Variants in GRM7 observed in about 807,000 individuals in gnomAD.
The protein encoded by GRM7 is metabotropic glutamate receptor 7.
Under a neutral mutation model 84.5 loss-of-function variants are expected in GRM7, and 35 were observed. The ratio of observed to expected loss-of-function variants is 0.41; its 90% CI spans 0.32 to 0.55. The LOEUF (loss-of-function observed/expected upper bound fraction) is 0.55. Among genes scored for constraint, GRM7 ranks in the 20% least tolerant of loss-of-function variants. GRM7 has a pLI of 0.19. For synonymous variants in GRM7, 487 were observed against 455.1 expected (o/e 1.07, Z -0.89); for missense variants, 1,003 against 1,194.6 (o/e 0.84, Z 2.36).
At chr3:7,276,785 T>TCCTCCTTCCCTCCCTCCCTCCCTCCTC (rs1385259133) in intron 2 of GRM7, among the ~76,000 whole-genome samples, 1 of 62,756 alleles carries the variant, frequency 1.6e-5, no homozygotes, top group Non-Finnish European at 2.7e-5. Flanking sequence ...CTTCCTTCCT[T>TCCTCCTTCCCTCCCTCCCTCCCTCCTC]CCTTCCTTCC....
intron 1 of GRM7, among the ~76,000 whole-genome samples, chr3:6,947,788 T>C (rs140396001): frequency 6.6e-5 from 10 of 152,076 alleles, no homozygotes; most frequent in South Asian, 2.1e-4. Flanking sequence ...CTTGGGAGAG[T>C]GTATGTGTCG....
chr3:7,428,710 G>A (rs942959176), intron 5 of GRM7, among the ~76,000 whole-genome samples: 10 of 151,988 alleles, frequency 6.6e-5, no homozygotes, highest in South Asian at 2.1e-4. Flanking sequence ...GCACAAAAGG[G>A]GAGAACTTAC....
At chr3:6,879,261 C>T (rs1166422850) in intron 1 of GRM7, among the ~76,000 whole-genome samples, 2 of 152,136 alleles carry the variant, frequency 1.3e-5, no homozygotes, top group East Asian at 1.9e-4. Context: ...AGAGCCCACA[C>T]ACTTTTATAC....
chr3:7,343,278 G>A (rs189099855), intron 4 of GRM7, among the ~76,000 whole-genome samples: 264 of 152,114 alleles, frequency 1.7e-3, no homozygotes, highest in Non-Finnish European at 3.0e-3. Context: ...CTGTTGCCCA[G>A]ACTGGAGTGC....
chr3:7,573,769 T>C (rs915462381), intron 7 of GRM7, among the ~76,000 whole-genome samples: 11 of 152,222 alleles, frequency 7.2e-5, no homozygotes, highest in African/African-American at 2.7e-4. Flanking sequence ...TTACCACACC[T>C]TTTTCTGAGC....
intron 9 of GRM7, among the ~76,000 whole-genome samples, chr3:7,720,041 C>T (rs1701892462): frequency 6.6e-6 from 1 of 152,112 alleles, no homozygotes; most frequent in South Asian, 2.1e-4. Context: ...AAATGTCCAG[C>T]ACTGTGCTAC....
chr3:7,294,405 G>A (rs1431651646), intron 2 of GRM7, among the ~76,000 whole-genome samples: 1 of 152,054 alleles, frequency 6.6e-6, no homozygotes, highest in Non-Finnish European at 1.5e-5. Flanking sequence ...CCTCCATAAT[G>A]CTTTCCAGAC....
chr3:6,974,001 G>A (rs1390426003), intron 1 of GRM7, among the ~76,000 whole-genome samples: 1 of 152,192 alleles, frequency 6.6e-6, no homozygotes, highest in Non-Finnish European at 1.5e-5. Context: ...CCTATAAAAA[G>A]CCAGGAGGGA....
At chr3:7,317,291 C>T (rs2125048881) in intron 4 of GRM7, among the ~76,000 whole-genome samples, 1 of 137,574 alleles carries the variant, frequency 7.3e-6, no homozygotes, top group South Asian at 2.1e-4. Context: ...GAGCATACCA[C>T]AGACCTTAAG....
intron 1 of GRM7, among the ~76,000 whole-genome samples, chr3:7,095,905 A>C (rs1353506654): frequency 2.0e-5 from 3 of 152,166 alleles, no homozygotes; most frequent in Non-Finnish European, 2.9e-5. Flanking sequence ...AATAGTGCAC[A>C]CACCTTACAC....
intron 5 of GRM7, among the ~76,000 whole-genome samples, chr3:7,444,007 A>G (rs1268052823): frequency 1.3e-5 from 2 of 152,212 alleles, no homozygotes; most frequent in African/African-American, 2.4e-5. Context: ...AGATTAAGCT[A>G]TGGTTCCAGT....
chr3:7,599,898 A>G lies in GRM7; in HGVS notation c.2451+20541A>G, dbSNP rs565357554. Among the ~76,000 whole-genome samples the G allele has an allele frequency of 1.1e-3, 166 of 152,176 alleles. 2 individuals are homozygous for G. The highest frequency in any genetic ancestry group is 3.6e-3 in the African/African-American group (148 of 41,524). ...TTACTAGTGAGGACATAGGCTATTG[A>G]GGCCCTTTGAAAGATGCTCTTTTTT... On this transcript the variant is annotated intron_variant, in intron 8 of 9. Coordinates refer to ENST00000357716, the MANE Select transcript of GRM7 (RefSeq NM_000844.4).
At chr3:7,542,765 C>G (rs910969176) in intron 7 of GRM7, among the ~76,000 whole-genome samples, 2 of 152,126 alleles carry the variant, frequency 1.3e-5, no homozygotes, top group East Asian at 3.9e-4. Flanking sequence ...CCAGGATGGT[C>G]TTGATCTTCT....
intron 2 of GRM7, among the ~76,000 whole-genome samples, chr3:7,213,781 G>T (rs1377831535): frequency 6.6e-6 from 1 of 152,136 alleles, no homozygotes; most frequent in Non-Finnish European, 1.5e-5. Flanking sequence ...TGGAGACGGA[G>T]CATGGCTTTG....
intron 7 of GRM7, among the ~76,000 whole-genome samples, chr3:7,527,091 C>T (rs922967930): frequency 6.6e-6 from 1 of 151,940 alleles, no homozygotes; most frequent in African/African-American, 2.4e-5. Context: ...ATAGGAATAG[C>T]ATTGAATACG....
intron 8 of GRM7, among the ~76,000 whole-genome samples, chr3:7,597,916 T>C (rs1004123553): frequency 6.6e-6 from 1 of 152,146 alleles, no homozygotes; most frequent in Non-Finnish European, 1.5e-5. Context: ...AGATCTCTTG[T>C]TACATTTGAG....
In GRM7 at chr3:7,275,023, T is replaced by G. The variant is rs546028153; in HGVS notation, c.737-23661T>G. 2.6e-5 allele frequency among the ~76,000 whole-genome samples: 4 copies of G among 152,186 alleles called. No individual in the cohort carries two copies. The South Asian group carries it at 8.3e-4, about 32-fold the overall frequency. On this transcript the variant is annotated intron_variant, in intron 2 of 9. Coordinates refer to ENST00000357716, the MANE Select transcript of GRM7 (RefSeq NM_000844.4). ...TGTTTGCTTTTCCATTTTGGAAGTC[T>G]CTATTGAGATATGCTTACGCTCAAA...
At chr3:6,912,514 T>C (rs962033301) in intron 1 of GRM7, among the ~76,000 whole-genome samples, 17 of 152,206 alleles carry the variant, frequency 1.1e-4, no homozygotes, top group African/African-American at 3.9e-4. Context: ...ACTATATCCG[T>C]GCTATCCTCT....
At chr3:7,634,479 C>CAAAAAAAAA (rs869045574) in intron 8 of GRM7, among the ~76,000 whole-genome samples, 1 of 30,318 alleles carries the variant, frequency 3.3e-5, no homozygotes. Flanking sequence ...ACTTTTTTTC[C>CAAAAAAAAA]AAAAAAAAAA....
Sources: gnomAD v4.1 joint callset for allele counts (sites outside exome capture counted in the v4.1 genomes callset) on GRCh38, gnomAD v4.1.1 for gene constraint, MANE v1.5 for transcripts, NCBI Gene and HGNC (gene_info 2026-07-23, HGNC 2026-07-21) for gene names.